GABBR2: variants seen among roughly 807,000 people sequenced by gnomAD.
GABBR2 encodes gamma-aminobutyric acid type B receptor subunit 2, also known as G-protein coupled receptor 51.
Under a neutral mutation model 105.6 loss-of-function variants are expected in GABBR2, and 23 were observed. The observed-to-expected ratio is 0.22, with a 90% CI of 0.16 to 0.31. The LOEUF (loss-of-function observed/expected upper bound fraction) is 0.31. GABBR2 is among the 10% of genes least tolerant of loss of function. The probability of loss-of-function intolerance (pLI) is 1.00; values close to 1 mark genes in which losing one functional copy is unlikely to be tolerated. For synonymous variants in GABBR2, 478 were observed against 499.7 expected (o/e 0.96, Z 0.58); for missense variants, 734 against 1,245.5 (o/e 0.59, Z 6.18).
At chr9:98,701,715 AAGACACGCCGGG>A (rs1455697167) in intron 1 of GABBR2, among the ~76,000 whole-genome samples, 1 of 152,158 alleles carries the variant, frequency 6.6e-6, no homozygotes, top group Non-Finnish European at 1.5e-5. Flanking sequence ...GGCAGAAGGA[AAGACACGCCGGG>A]AGACACACAT....
At chr9:98,585,483 G>C (rs1191045278) in intron 1 of GABBR2, among the ~76,000 whole-genome samples, 1 of 127,818 alleles carries the variant, frequency 7.8e-6, no homozygotes, top group Admixed American at 8.6e-5. Context: ...ACACACCGGG[G>C]ACTGGCGTAG....
At chr9:98,391,240 A>C (rs1832175040) in intron 9 of GABBR2, among the ~76,000 whole-genome samples, 1 of 152,188 alleles carries the variant, frequency 6.6e-6, no homozygotes, top group South Asian at 2.1e-4. Flanking sequence ...AAGCAATCCT[A>C]TTTATTGAAT....
intron 7 of GABBR2, among the ~76,000 whole-genome samples, chr9:98,427,680 G>T (rs1268455844): frequency 6.6e-6 from 1 of 151,886 alleles, no homozygotes; most frequent in Non-Finnish European, 1.5e-5. Flanking sequence ...AAAAGATGCC[G>T]CAGCCTCAGT....
At chr9:98,386,180 T>A (rs1362477196) in intron 10 of GABBR2, among the ~76,000 whole-genome samples, 1 of 152,144 alleles carries the variant, frequency 6.6e-6, no homozygotes, top group African/African-American at 2.4e-5. Flanking sequence ...ATCCATTAAT[T>A]TTCAGTTTAA....
intron 6 of GABBR2, among the ~76,000 whole-genome samples, chr9:98,466,459 A>T (rs2131621164): frequency 6.6e-6 from 1 of 152,366 alleles, no homozygotes; most frequent in South Asian, 2.1e-4. Context: ...AAACCATAAA[A>T]GGTAATCCCA....
intron 5 of GABBR2, among the ~76,000 whole-genome samples, chr9:98,478,691 AG>A (rs1353746789): frequency 6.6e-6 from 1 of 152,204 alleles, no homozygotes; most frequent in African/African-American, 2.4e-5. Context: ...TGGCTGGGAA[AG>A]CCACTTGGAA....
chr9:98,551,747 A>C (rs955641259), intron 2 of GABBR2, among the ~76,000 whole-genome samples: 3 of 152,188 alleles, frequency 2.0e-5, no homozygotes, highest in Admixed American at 2.0e-4. Flanking sequence ...AGAAGTGGTG[A>C]GCTCATGCAG....
At chr9:98,675,088 T>C (rs1034829754) in intron 1 of GABBR2, among the ~76,000 whole-genome samples, 5 of 152,126 alleles carry the variant, frequency 3.3e-5, no homozygotes, top group African/African-American at 1.2e-4. Context: ...GGGAAGAGGA[T>C]GGAACCTGGG....
intron 4 of GABBR2, among the ~76,000 whole-genome samples, chr9:98,490,848 G>A (rs556351975): frequency 6.6e-6 from 1 of 152,236 alleles, no homozygotes; most frequent in Admixed American, 6.5e-5. Flanking sequence ...GCCACCCCCT[G>A]TTCAGAACAG....
At chr9:98,297,241 T>C (rs771303951) in intron 17 of GABBR2, among the ~76,000 whole-genome samples, 1 of 152,206 alleles carries the variant, frequency 6.6e-6, no homozygotes, top group African/African-American at 2.4e-5. Context: ...AATTTAAACG[T>C]TTTTGCAATA....
intron 7 of GABBR2, among the ~76,000 whole-genome samples, chr9:98,422,470 G>T (rs185129791): frequency 1.2e-4 from 18 of 151,738 alleles, no homozygotes; most frequent in Non-Finnish European, 7.4e-5. Flanking sequence ...CTCATAAGTG[G>T]ACATTTAGAA....
At chr9:98,409,907 G>T (rs751703157) in intron 7 of GABBR2, among the ~76,000 whole-genome samples, 1 of 152,160 alleles carries the variant, frequency 6.6e-6, no homozygotes, top group South Asian at 2.1e-4. Context: ...TTGTCTCAGA[G>T]CCTGTTTTCT....
intron 7 of GABBR2, among the ~76,000 whole-genome samples, chr9:98,453,358 T>A (rs942711394): frequency 1.2e-4 from 18 of 152,212 alleles, no homozygotes; most frequent in African/African-American, 4.1e-4. Flanking sequence ...CTTTTCTTTT[T>A]TTCAGAACAG....
chr9:98,564,087 T>G (rs1310800751), intron 2 of GABBR2, among the ~76,000 whole-genome samples: 1 of 152,186 alleles, frequency 6.6e-6, no homozygotes, highest in East Asian at 1.9e-4. Context: ...TATGCATGTG[T>G]GTGTGCATGT....
At chr9:98,327,726 A>G (rs1830948158) in intron 13 of GABBR2, among the ~76,000 whole-genome samples, 1 of 151,806 alleles carries the variant, frequency 6.6e-6, no homozygotes, top group Non-Finnish European at 1.5e-5. Context: ...AACATTAGCC[A>G]GGCGTGATGG....
intron 6 of GABBR2, among the ~76,000 whole-genome samples, chr9:98,467,459 C>T (rs1826583019): frequency 6.6e-6 from 1 of 151,824 alleles, no homozygotes. Context: ...GGAATGGGAG[C>T]TTTGTGGGGG....
chr9:98,391,165 A>G (rs533723521), intron 9 of GABBR2, among the ~76,000 whole-genome samples: 29 of 152,340 alleles, frequency 1.9e-4, no homozygotes, highest in African/African-American at 6.7e-4. Context: ...AAGATGAAAA[A>G]TACACTGTCC....
At chr9:98,447,535 G>GTA (rs201031299) in intron 7 of GABBR2, among the ~76,000 whole-genome samples, 1 of 74,712 alleles carries the variant, frequency 1.3e-5, no homozygotes, top group East Asian at 4.0e-4. Context: ...TAACTAGTAT[G>GTA]TATGTGTGTG....
At chr9:98,445,731 A>G (rs1826116817) in intron 7 of GABBR2, among the ~76,000 whole-genome samples, 1 of 152,206 alleles carries the variant, frequency 6.6e-6, no homozygotes, top group Non-Finnish European at 1.5e-5. Flanking sequence ...TCCAGGCAGG[A>G]GGCACCAATT....
Sources: allele counts gnomAD v4.1 joint callset (sites outside exome capture counted in the v4.1 genomes callset), GRCh38; gene constraint gnomAD v4.1.1; transcripts MANE v1.5; gene names NCBI Gene and HGNC (gene_info 2026-07-23, HGNC 2026-07-21).